AGMO: variants seen among roughly 807,000 people sequenced by gnomAD.
AGMO encodes alkylglycerol monooxygenase, also known as glyceryl-ether monooxygenase.
In AGMO, 75 loss-of-function variants were observed where a neutral mutation model predicts 60.2. The ratio of observed to expected loss-of-function variants is 1.25; its 90% CI spans 1.03 to 1.51. The LOEUF (loss-of-function observed/expected upper bound fraction) is 1.51, where lower values mean the gene tolerates loss of function less well. Ranked by LOEUF, AGMO falls within the 40% of genes most tolerant of loss-of-function variation. AGMO has a pLI of 0.00. For synonymous variants in AGMO, 261 were observed against 177.1 expected (o/e 1.47, Z -3.76); for missense variants, 763 against 525.5 (o/e 1.45, Z -4.42).
chr7:15,365,470 G>A (rs754178935), intron 12 of AGMO, 44 bp downstream of exon 12: 43 of 1,219,592 alleles, frequency 3.5e-5, no homozygotes, highest in African/African-American at 2.1e-4. Context: ...TTAAATGTGC[G>A]ATAGGTATAC....
chr7:15,179,108 C>T, the AGMO span, among the ~76,000 whole-genome samples: 2 of 152,118 alleles, frequency 1.3e-5, no homozygotes, highest in East Asian at 1.9e-4. Context: ...TTGGTGGGGA[C>T]ATTTGAACCA....
intron 4 of AGMO, among the ~76,000 whole-genome samples, chr7:15,421,075 T>C: frequency 6.6e-6 from 1 of 152,116 alleles, no homozygotes; most frequent in East Asian, 1.9e-4. Flanking sequence ...TGTGAGACAG[T>C]ATCATGAAGC....
chr7:15,250,613 A>G (rs1002996104), intron 12 of AGMO, among the ~76,000 whole-genome samples: 9 of 152,104 alleles, frequency 5.9e-5, no homozygotes, highest in Admixed American at 4.6e-4. Context: ...ATTAATTTGC[A>G]GATATAAATA....
intron 12 of AGMO, among the ~76,000 whole-genome samples, chr7:15,307,515 A>C (rs1780650577): frequency 6.6e-6 from 1 of 152,000 alleles, no homozygotes; most frequent in African/African-American, 2.4e-5. Context: ...TAAATCAGTA[A>C]AGTATACTAG....
At chr7:15,547,509 C>A (rs895505930) in intron 2 of AGMO, among the ~76,000 whole-genome samples, 1 of 152,114 alleles carries the variant, frequency 6.6e-6, no homozygotes, top group Admixed American at 6.5e-5. Context: ...ACTCGGGAAG[C>A]GCAAGGGGTC....
intron 12 of AGMO, among the ~76,000 whole-genome samples, chr7:15,297,773 A>G (rs1784446027): frequency 6.6e-6 from 1 of 152,180 alleles, no homozygotes; most frequent in South Asian, 2.1e-4. Context: ...TCATATATGG[A>G]AAGAGAATTA....
chr7:15,464,236 G>A (rs1414875625), intron 3 of AGMO, among the ~76,000 whole-genome samples: 1 of 152,156 alleles, frequency 6.6e-6, no homozygotes, highest in African/African-American at 2.4e-5. Flanking sequence ...GTTACCAAAG[G>A]CTTTTAGCTC....
chr7:15,322,599 TATAA>T (rs1563086502), intron 12 of AGMO, among the ~76,000 whole-genome samples: 2 of 60,404 alleles, frequency 3.3e-5, no homozygotes, highest in South Asian at 5.3e-4. Flanking sequence ...TATAAATATA[TATAA>T]ATATATATAA....
At position 15,207,805 on chromosome 7, in the gene AGMO, G is replaced by A. The variant is rs375030406; in HGVS notation, c.1264-6446C>T. The stretch of plus-strand genomic sequence containing the variant: ...AAAAATTAGCCGGGCTTGGTGGCGG[G>A]CACCTGTAGTCCCAGCTACTCGGGA... On this transcript the variant is annotated intron_variant, in intron 12 of 12. Coordinates refer to ENST00000342526, the MANE Select transcript of AGMO (RefSeq NM_001004320.2). Among the ~76,000 whole-genome samples, 4 of 152,276 alleles carry A rather than the reference G, an allele frequency of 2.6e-5. No individual in the cohort carries two copies. The East Asian group carries it at 7.7e-4, about 29-fold the overall frequency.
chr7:15,284,309 A>C (rs1784044919), intron 12 of AGMO, among the ~76,000 whole-genome samples: 1 of 152,104 alleles, frequency 6.6e-6, no homozygotes, highest in South Asian at 2.1e-4. Context: ...CTTTGAAAAC[A>C]AAAACAAATT....
At position 15,509,712 on chromosome 7, in the gene AGMO, G is replaced by A. The variant is rs75060496; in HGVS notation, c.409+35060C>T. ...AAGATATAGGAGAAACTACTCATCAGTAAAAAAATCCAAATGACCTGATTA... is the reference window on the plus strand; with the variant it reads ...AAGATATAGGAGAAACTACTCATCAATAAAAAAATCCAAATGACCTGATTA... On this transcript the variant is annotated intron_variant, in intron 3 of 12. Transcript: ENST00000342526. Among the ~76,000 whole-genome samples, 299 of 152,158 alleles carry A rather than the reference G, an allele frequency of 2.0e-3. 1 individual carries two copies. The highest frequency in any genetic ancestry group is 3.6e-3 in the Non-Finnish European group (245 of 67,984).
the AGMO span, among the ~76,000 whole-genome samples, chr7:15,189,465 G>A: frequency 6.6e-6 from 1 of 152,138 alleles, no homozygotes; most frequent in African/African-American, 2.4e-5. Flanking sequence ...AGCAACGAAT[G>A]CTAGTGAGAT....
intron 12 of AGMO, among the ~76,000 whole-genome samples, chr7:15,342,218 A>G (rs1285091269): frequency 1.3e-5 from 2 of 149,240 alleles, no homozygotes; most frequent in East Asian, 4.0e-4. Context: ...TGAAGCACTA[A>G]GAGACTTAGA....
chr7:15,263,589 A>G (rs1357897987), intron 12 of AGMO, among the ~76,000 whole-genome samples: 2 of 152,144 alleles, frequency 1.3e-5, no homozygotes, highest in Non-Finnish European at 2.9e-5. Context: ...GAGGAAAAGA[A>G]GTCATTATAT....
At chr7:15,381,276 T>C (rs573429778) in intron 10 of AGMO, among the ~76,000 whole-genome samples, 52 of 152,210 alleles carry the variant, frequency 3.4e-4, no homozygotes, top group Non-Finnish European at 6.8e-4. Context: ...TTGCAAACTA[T>C]GCATCCAACA....
intron 3 of AGMO, among the ~76,000 whole-genome samples, chr7:15,505,685 A>C (rs1783496139): frequency 6.6e-6 from 1 of 152,078 alleles, no homozygotes; most frequent in Non-Finnish European, 1.5e-5. Context: ...TCTGAAAAAA[A>C]CAAACTAATG....
chr7:15,468,983 G>A (rs1782367562), intron 3 of AGMO, among the ~76,000 whole-genome samples: 2 of 151,980 alleles, frequency 1.3e-5, no homozygotes, highest in African/African-American at 4.8e-5. Flanking sequence ...TAAATTACAG[G>A]TTGATTTCTG....
chr7:15,318,110 A>C (rs1780996777), intron 12 of AGMO, among the ~76,000 whole-genome samples: 1 of 151,488 alleles, frequency 6.6e-6, no homozygotes, highest in South Asian at 2.1e-4. Context: ...GGTTCAAACA[A>C]TTCTCTTGCC....
intron 3 of AGMO, among the ~76,000 whole-genome samples, chr7:15,515,063 C>T (rs892873736): frequency 3.3e-5 from 5 of 152,250 alleles, no homozygotes; most frequent in South Asian, 2.1e-4. Context: ...TGTTTAGGCA[C>T]GGGAGGAAGT....
Sources: gnomAD v4.1 joint callset for allele counts (sites outside exome capture counted in the v4.1 genomes callset) on GRCh38, gnomAD v4.1.1 for gene constraint, MANE v1.5 for transcripts, NCBI Gene and HGNC (gene_info 2026-07-23, HGNC 2026-07-21) for gene names.